Variants in CARMIL2 observed in about 807,000 individuals in gnomAD.
CARMIL2 encodes capping protein, Arp2/3 and myosin-I linker protein 2.
A neutral mutation model predicts 173.3 loss-of-function variants in CARMIL2; 96 were observed. The observed-to-expected ratio is 0.55, with a 90% CI of 0.47 to 0.66. The LOEUF is 0.66. Ranked by LOEUF, CARMIL2 falls within the 30% of genes least tolerant of loss-of-function variation. CARMIL2 has a pLI of 0.00. For missense variants in CARMIL2, 1,771 were observed against 1,906.7 expected (o/e 0.93, Z 1.33); for synonymous variants, 830 against 817.1 (o/e 1.02, Z -0.27).
rs375315158 is a variant in CARMIL2, at chr16:67,656,489, C to A, written c.3880C>A (p.Gln1294Lys). 65 of 1,612,962 alleles carry A rather than the reference C, an allele frequency of 4.0e-5. No individual in the cohort carries two copies. Among genetic ancestry groups the A allele is most frequent in the Non-Finnish European group, 5.3e-5 (62 of 1,179,584 alleles). The stretch of plus-strand genomic sequence containing the variant: ...GTCTGCCACCTGGAAGACACTGGGG[C>A]AGCAGTTGAATGCGGAGCTCAGGAG... ...PESATWKTLG[Q>K]QLNAELRSRG... The change falls in exon 35 of 38, where the codon CAG becomes AAG. Residue 1294 changes from glutamine (Q) to lysine (K), a missense_variant. Coordinates refer to ENST00000334583, the MANE Select transcript of CARMIL2 (RefSeq NM_001013838.3).
chr16:67,649,925 C>T lies in CARMIL2; in HGVS notation c.2039C>T (p.Ala680Val), dbSNP rs762985823. The T allele has an allele frequency of 6.2e-7, 1 of 1,613,184 alleles. No individual in the cohort carries two copies. The highest frequency in any genetic ancestry group is 8.5e-7 in the Non-Finnish European group (1 of 1,179,842). Residue 680 changes from alanine (A) to valine (V), a missense_variant, in exon 21 of 38, where the codon GCG becomes GTG. By Grantham distance (64) the Ala-to-Val change is moderately conservative. This residue lies in a region of CARMIL2 where 944 missense variants were observed against 975.6 expected (regional missense o/e 0.97). Transcript: ENST00000334583. The surrounding 1 kb of genome is among the most constrained non-coding windows in gnomAD (Gnocchi z 6.7). ...CTGCCACTGAACGACGTGGCCCAGGCGCAGCGCAGCCGCCCGGAACTGACA... is the reference window on the plus strand; with the variant it reads ...CTGCCACTGAACGACGTGGCCCAGGTGCAGCGCAGCCGCCCGGAACTGACA... ...MPLPLNDVAQ[A>V]QRSRPELTAR... is the part of the protein sequence containing the mutation.
chr16:67,646,922 G>T lies in CARMIL2; in HGVS notation c.560G>T (p.Arg187Leu), dbSNP rs374166923. ...CAGGACGTGGACACCATTTACCATC[G>T]CCAGGGCTGCCGCCATTTCAGCCTG... ...IQWDVDTIYH[R>L]QGCRHFSLGD... is the part of the protein sequence containing the mutation. The change falls in exon 8 of 38, where the codon CGC becomes CTC. Residue 187 changes from arginine to leucine, a missense_variant. Physicochemically the swap from Arg to Leu is moderately radical, Grantham distance 102. This residue lies in a region of CARMIL2 where 944 missense variants were observed against 975.6 expected (regional missense o/e 0.97). Transcript: ENST00000334583. This position sits in a 1 kb window ranked among gnomAD's most constrained non-coding sequence, Gnocchi z 4.6. The T allele has an allele frequency of 1.9e-6, 3 of 1,613,536 alleles. No homozygotes were observed. The highest frequency in any genetic ancestry group is 2.7e-5 in the African/African-American group (2 of 75,054).
chr16:67,648,565 T>C lies in CARMIL2; in HGVS notation c.1439+63T>C, dbSNP rs1251611901. 3.3e-5 allele frequency: 41 copies of C among 1,238,666 alleles called. No individual in the cohort carries two copies. Among genetic ancestry groups the C allele is most frequent in the Non-Finnish European group, 3.5e-5 (32 of 912,870 alleles). 76.7% of individuals were successfully genotyped at this position (1,238,666 alleles called of 1,614,324 possible). Reference sequence around the variant, plus strand: ...CCCACCCTGCCCTGGCCTTCGCCCCTCCCCGCTCCTGCTTCTGTCGCTCCC... The same window carrying C: ...CCCACCCTGCCCTGGCCTTCGCCCCCCCCCGCTCCTGCTTCTGTCGCTCCC... On this transcript the variant is annotated intron_variant, in intron 15 of 37. Transcript: ENST00000334583. This position sits in a 1 kb window ranked among gnomAD's most constrained non-coding sequence, Gnocchi z 6.1.
At position 67,648,932 on chromosome 16, in the gene CARMIL2, TGCGAC is replaced by T; in HGVS notation, c.1552_1556del (p.Asp518ArgfsTer11). Reference sequence around the variant, plus strand: ...CGCCCAGGTGATACAAGACTTAGTGTGCGACGCAGGCGCTGTGAGCTCCCTGGATC... The same window carrying T: ...CGCCCAGGTGATACAAGACTTAGTGTGCAGGCGCTGTGAGCTCCCTGGATC... On this transcript the variant is annotated frameshift_variant, in exon 17 of 38. Transcript: ENST00000334583. LOFTEE classifies it high-confidence loss of function. The surrounding 1 kb of genome is among the most constrained non-coding windows in gnomAD (Gnocchi z 6.1). 6.2e-7 allele frequency: 1 copy of T among 1,609,700 alleles called. No individual in the cohort carries two copies. Among genetic ancestry groups the T allele is most frequent in the Non-Finnish European group, 8.5e-7 (1 of 1,178,296 alleles).
At position 67,647,702 on chromosome 16, in the gene CARMIL2, C is replaced by T; in HGVS notation, c.894C>T (p.His298=). ...AAGGCATGACTGCACTCAGCAGACA[C>T]CTCGAGCGTTGTCCAGGAGCCCTGA... ...DDRGMTALSR[H]LERCPGALRR... The change falls in exon 12 of 38, where the codon CAC becomes CAT. Residue 298 remains histidine (H), a synonymous_variant. Transcript: ENST00000334583. 1 of 1,600,038 alleles carries T rather than the reference C, an allele frequency of 6.2e-7. No homozygotes were observed. Among genetic ancestry groups the T allele is most frequent in the Non-Finnish European group, 8.5e-7 (1 of 1,174,508 alleles).
In CARMIL2 at chr16:67,654,211, G is replaced by A. The variant is rs746664772; in HGVS notation, c.3183G>A (p.Glu1061=). 3.2e-6 allele frequency: 5 copies of A among 1,572,096 alleles called. No individual in the cohort carries two copies. Among genetic ancestry groups the A allele is most frequent in the Non-Finnish European group, 4.3e-6 (5 of 1,158,916 alleles). ...GLSARVDEGV[E]EFFSKRLIQQ... ...GTGCCCGCGTGGACGAGGGCGTGGAGGAATTCTTCTCCAAAAGGCTGATCC... is the reference window on the plus strand; with the variant it reads ...GTGCCCGCGTGGACGAGGGCGTGGAAGAATTCTTCTCCAAAAGGCTGATCC... Residue 1061 remains glutamate, a synonymous_variant, in exon 30 of 38, where the codon GAG becomes GAA. Transcript: ENST00000334583.
rs529581374 is a variant in CARMIL2 at position 67,655,024 on chromosome 16, T to C, written c.3705+124T>C. ...AATTGTCAGTTCTACTCCATTCTCCTCGAAATGGTTACAGATTCGACCTTT... is the reference window on the plus strand; with the variant it reads ...AATTGTCAGTTCTACTCCATTCTCCCCGAAATGGTTACAGATTCGACCTTT... On this transcript the variant is annotated intron_variant, in intron 32 of 37. Coordinates refer to ENST00000334583, the MANE Select transcript of CARMIL2 (RefSeq NM_001013838.3). 6.5e-5 allele frequency: 84 copies of C among 1,300,466 alleles called. No individual in the cohort carries two copies. In the South Asian group the frequency reaches 8.6e-4, roughly 13 times the overall value. The allele number at this position is 1,300,466 out of a possible 1,614,324, so 80.6% of individuals were successfully genotyped here.
Position 67,654,132 on chromosome 16 carries a change from C to G in CARMIL2, c.3121-17C>G. On this transcript the variant is annotated splice_polypyrimidine_tract_variant and intron_variant, in intron 29 of 37. Transcript: ENST00000334583. ...GTTGCACTCAACCCTGACCCCTGAC[C>G]CCATGATGCCCCCCAGGTACCCCCA... is the stretch of plus-strand genomic sequence containing the variant. The G allele has an allele frequency of 2.0e-6, 3 of 1,520,262 alleles. No individual in the cohort carries two copies. The highest frequency in any genetic ancestry group is 1.2e-5 in the South Asian group (1 of 83,218). 94.2% of individuals were successfully genotyped at this position (1,520,262 alleles called of 1,614,324 possible).
At position 67,657,384 on chromosome 16, in the gene CARMIL2, C is replaced by G. The variant is rs2052886338; in HGVS notation, c.4196-22C>G. 6.2e-7 allele frequency: 1 copy of G among 1,603,838 alleles called. No individual in the cohort carries two copies. On this transcript the variant is annotated intron_variant, in intron 37 of 37. Transcript: ENST00000334583. The surrounding 1 kb of genome is among the most constrained non-coding windows in gnomAD (Gnocchi z 4.5). ...TTAGCCCAGCCCTGACCCTTCCTCT[C>G]TCTCCCTCCCTCCCCTCACAGGATC...
chr16:67,646,628 C>T lies in CARMIL2; in HGVS notation c.467-86C>T. On this transcript the variant is annotated intron_variant, in intron 6 of 37. Transcript: ENST00000334583. This position sits in a 1 kb window ranked among gnomAD's most constrained non-coding sequence, Gnocchi z 4.6. ...AACAGAGCCATTCAGGTCCCAGCCA[C>T]CACCTAGTCTGTGGGTCTGGTCTTC... is the stretch of plus-strand genomic sequence containing the variant. 1.3e-6 allele frequency: 2 copies of T among 1,573,678 alleles called. No homozygotes were observed. Among genetic ancestry groups the T allele is most frequent in the Admixed American group, 1.7e-5 (1 of 59,882 alleles).
At position 67,647,213 on chromosome 16, in the gene CARMIL2, G is replaced by A. The variant is rs368456403; in HGVS notation, c.687+22G>A. ...GCTGGTGAGGGGGTTCGGGGTAAGG[G>A]CAGGGAGGGGCCAAGGGTGTGGGCC... is the stretch of plus-strand genomic sequence containing the variant. On this transcript the variant is annotated intron_variant, in intron 9 of 37. Transcript: ENST00000334583. 49 of 1,613,540 alleles carry A rather than the reference G, an allele frequency of 3.0e-5. No individual in the cohort carries two copies. In the South Asian group the frequency reaches 4.8e-4, roughly 16 times the overall value.
Position 67,649,600 on chromosome 16 carries a change from C to T in CARMIL2, c.1900C>T (p.Arg634Trp), listed in dbSNP as rs201500298. ...AGAKLLAKALRVNSRLRSVVW... is the reference protein window; with the variant it reads ...AGAKLLAKALWVNSRLRSVVW... ...CGCCAAGTTGCTGGCCAAGGCGCTG[C>T]GGGTCAACTCGAGGCTCCGGTGGGC... The change falls in exon 20 of 38, where the codon CGG becomes TGG. Residue 634 changes from arginine to tryptophan, a missense_variant. Physicochemically the swap from Arg to Trp is moderately radical, Grantham distance 101. Coordinates refer to ENST00000334583, the MANE Select transcript of CARMIL2 (RefSeq NM_001013838.3). The surrounding 1 kb of genome is among the most constrained non-coding windows in gnomAD (Gnocchi z 6.7). The T allele has an allele frequency of 1.3e-6, 2 of 1,544,516 alleles. No homozygotes were observed. The highest frequency in any genetic ancestry group is 1.7e-6 in the Non-Finnish European group (2 of 1,145,662).
At chr16:67,656,683 T>C (rs757463227) in intron 35 of CARMIL2, 38 bp downstream of exon 35, 3 of 1,575,138 alleles carry the variant, frequency 1.9e-6, no homozygotes, top group Non-Finnish European at 2.6e-6. Context: ...AATCCTGGCC[T>C]CGGGGCTGGA....
intron 13 of CARMIL2, 36 bp downstream of exon 13, chr16:67,647,994 G>A: frequency 1.2e-6 from 2 of 1,605,902 alleles, no homozygotes; most frequent in South Asian, 1.1e-5. Flanking sequence ...GCTTGGGGTT[G>A]CTCATAAGCC....
Position 67,652,435 on chromosome 16 carries a change from C to T in CARMIL2, c.2818-37C>T, listed in dbSNP as rs563919436. 6.2e-6 allele frequency: 10 copies of T among 1,612,366 alleles called. No individual in the cohort carries two copies. Among genetic ancestry groups the T allele is most frequent in the African/African-American group, 4.0e-5 (3 of 75,018 alleles). On this transcript the variant is annotated intron_variant, in intron 27 of 37. Transcript: ENST00000334583. The surrounding 1 kb of genome is among the most constrained non-coding windows in gnomAD (Gnocchi z 4.7). ...AAGGCAGCTCTTTTGGGTTGGTGCT[C>T]TCCTACCCCAGGCTGAGTTTGTGCC...
In CARMIL2 at chr16:67,646,647, G is replaced by C. The variant is rs1273921657; in HGVS notation, c.467-67G>C. 3.8e-6 allele frequency: 6 copies of C among 1,585,432 alleles called. No homozygotes were observed. The Admixed American group carries it at 1.0e-4, about 26-fold the overall frequency. On this transcript the variant is annotated intron_variant, in intron 6 of 37. Transcript: ENST00000334583. The surrounding 1 kb of genome is among the most constrained non-coding windows in gnomAD (Gnocchi z 4.6). Reference sequence around the variant, plus strand: ...CAGCCACCACCTAGTCTGTGGGTCTGGTCTTCCTCCATCGCTGATGTTTTG... The same window carrying C: ...CAGCCACCACCTAGTCTGTGGGTCTCGTCTTCCTCCATCGCTGATGTTTTG...
chr16:67,652,713 GC>G lies in CARMIL2; in HGVS notation c.2884+178del, dbSNP rs1158104190. On this transcript the variant is annotated intron_variant, in intron 28 of 37. Coordinates refer to ENST00000334583, the MANE Select transcript of CARMIL2 (RefSeq NM_001013838.3). This position sits in a 1 kb window ranked among gnomAD's most constrained non-coding sequence, Gnocchi z 4.7. ...GCAAAGCTGGGGTCTGCTGTGGTCA[GC>G]CCGGGGCGGGACCTGGGCGGATCTG... Among the ~76,000 whole-genome samples the G allele has an allele frequency of 6.6e-6, 1 of 152,192 alleles. No homozygotes were observed.
Position 67,646,889 on chromosome 16 carries a change from T to C in CARMIL2, c.538-11T>C. ...CCCCAGGCGAACTGTAAGCATCTCC[T>C]TCTCACCCAGGACGTGGACACCATT... On this transcript the variant is annotated splice_polypyrimidine_tract_variant and intron_variant, in intron 7 of 37. Transcript: ENST00000334583. The surrounding 1 kb of genome is among the most constrained non-coding windows in gnomAD (Gnocchi z 4.6). The C allele has an allele frequency of 6.2e-7, 1 of 1,613,758 alleles. No homozygotes were observed. Among genetic ancestry groups the C allele is most frequent in the Non-Finnish European group, 8.5e-7 (1 of 1,179,862 alleles).
At position 67,652,524 on chromosome 16, in the gene CARMIL2, TC is replaced by T. The variant is rs779015119; in HGVS notation, c.2874del (p.Phe959SerfsTer110). On this transcript the variant is annotated frameshift_variant, in exon 28 of 38. Coordinates refer to ENST00000334583, the MANE Select transcript of CARMIL2 (RefSeq NM_001013838.3). LOFTEE classifies it high-confidence loss of function. This position sits in a 1 kb window ranked among gnomAD's most constrained non-coding sequence, Gnocchi z 4.7. ...WPELSHGLHL[V>X]PFIHSAAEEA... is the part of the protein sequence containing the mutation. ...GAGCTCAGCCACGGTCTTCACCTGGTCCCCTTCATTCACAGTAAGTCAGGGC... is the reference window on the plus strand; with the variant it reads ...GAGCTCAGCCACGGTCTTCACCTGGTCCCTTCATTCACAGTAAGTCAGGGC... 1 of 1,613,310 alleles carries T rather than the reference TC, an allele frequency of 6.2e-7. No individual in the cohort carries two copies. The highest frequency in any genetic ancestry group is 1.3e-5 in the African/African-American group (1 of 74,898).
Sources: allele counts gnomAD v4.1 joint callset (sites outside exome capture counted in the v4.1 genomes callset), GRCh38; gene constraint gnomAD v4.1.1; regional missense constraint gnomAD v4.1.1; non-coding constraint Gnocchi (gnomAD v3.1); transcripts MANE v1.5; gene names NCBI Gene and HGNC (gene_info 2026-07-23, HGNC 2026-07-21).